SETD3: variants seen among roughly 807,000 people sequenced by gnomAD.
The protein encoded by SETD3 is actin-histidine N-methyltransferase.
A neutral mutation model predicts 63.0 loss-of-function variants in SETD3; 19 were observed. The ratio of observed to expected loss-of-function variants is 0.30; its 90% CI spans 0.21 to 0.44. SETD3 has a LOEUF of 0.44. SETD3 is among the 20% of genes least tolerant of loss of function. The pLI is 1.00. For synonymous variants in SETD3, 286 were observed against 264.1 expected (o/e 1.08, Z -0.80); for missense variants, 587 against 728.5 (o/e 0.81, Z 2.24).
chr14:99,481,970 G>A (rs907756762), upstream of SETD3, among the ~76,000 whole-genome samples: 1 of 152,196 alleles, frequency 6.6e-6, no homozygotes, highest in East Asian at 1.9e-4. Flanking sequence ...ATGAGGAAAA[G>A]GCACTTCCGG....
intron 11 of SETD3, among the ~76,000 whole-genome samples, chr14:99,401,700 T>C: frequency 6.6e-6 from 1 of 152,218 alleles, no homozygotes; most frequent in East Asian, 1.9e-4. Context: ...TTTATATTCT[T>C]TGCATACAAC....
rs5810953 is a variant in SETD3 at position 99,458,774 on chromosome 14, CAAAAAAA to C, written c.419-246_419-240del. 6.7e-5 allele frequency among the ~76,000 whole-genome samples: 6 copies of C among 89,502 alleles called. No homozygotes were observed. The East Asian group carries it at 1.5e-3, about 23-fold the overall frequency. The allele number at this position is 89,502 out of a possible 152,430, so 58.7% of individuals were successfully genotyped here. A position where few individuals can be genotyped will look rare whatever the true frequency, so the allele number is the denominator to read the frequency against. On this transcript the variant is annotated intron_variant, in intron 5 of 12. Coordinates refer to ENST00000331768, the MANE Select transcript of SETD3 (RefSeq NM_032233.3). The stretch of plus-strand genomic sequence containing the variant: ...GCAATATAGCAAAACCCCATCACTA[CAAAAAAA>C]AAAAAAAAAAAAAAATTAGCCAGAT...
At chr14:99,417,760 G>GT (rs1187194534) in intron 6 of SETD3, among the ~76,000 whole-genome samples, 5 of 152,082 alleles carry the variant, frequency 3.3e-5, no homozygotes, top group African/African-American at 1.2e-4. Flanking sequence ...TTGCGTTAAG[G>GT]TTTTTTTGTT....
chr14:99,480,210 A>G (rs3918023), intron 1 of SETD3, among the ~76,000 whole-genome samples: 3,376 of 152,132 alleles, frequency 0.022, 124 homozygotes, highest in African/African-American at 0.077. Flanking sequence ...AGAGGAACAT[A>G]AAACCGCACA....
In SETD3 at chr14:99,434,192, T is replaced by C. The variant is rs536929691; in HGVS notation, c.676-20258A>G. ...ACAGAACAGATAAAAAACTGGTACA[T>C]TCATACAGTGAGAAACTATACAGAA... On this transcript the variant is annotated intron_variant, in intron 6 of 12. Transcript: ENST00000331768. 6.3e-3 allele frequency among the ~76,000 whole-genome samples: 963 copies of C among 152,208 alleles called. 39 individuals are homozygous for C. The highest frequency in any genetic ancestry group is 0.056 in the Admixed American group (852 of 15,284).
intron 1 of SETD3, among the ~76,000 whole-genome samples, chr14:99,474,262 T>C (rs1455160953): frequency 6.6e-6 from 1 of 152,052 alleles, no homozygotes; most frequent in East Asian, 1.9e-4. Flanking sequence ...GAGGTGGAGA[T>C]TGCAGTGAGC....
chr14:99,438,221 G>T (rs1893597749), intron 6 of SETD3, among the ~76,000 whole-genome samples: 1 of 152,150 alleles, frequency 6.6e-6, no homozygotes, highest in Non-Finnish European at 1.5e-5. Flanking sequence ...ATGCTACCAT[G>T]TGTGTGTCAC....
chr14:99,436,607 T>C (rs1432532805), intron 6 of SETD3, among the ~76,000 whole-genome samples: 1 of 152,220 alleles, frequency 6.6e-6, no homozygotes, highest in Non-Finnish European at 1.5e-5. Flanking sequence ...TGGCTTGGAA[T>C]GGCCTTTTCT....
chr14:99,473,024 T>C (rs1355514632), intron 1 of SETD3, among the ~76,000 whole-genome samples: 1 of 152,164 alleles, frequency 6.6e-6, no homozygotes, highest in African/African-American at 2.4e-5. Context: ...ATCTACAGAA[T>C]CTTCAAACTT....
At chr14:99,470,596 G>A (rs898826844) in intron 1 of SETD3, among the ~76,000 whole-genome samples, 2 of 152,144 alleles carry the variant, frequency 1.3e-5, no homozygotes, top group African/African-American at 4.8e-5. Context: ...CCCACTGGCT[G>A]GGTCTACCCT....
At chr14:99,417,843 G>A (rs1296916553) in intron 6 of SETD3, among the ~76,000 whole-genome samples, 3 of 152,020 alleles carry the variant, frequency 2.0e-5, no homozygotes, top group Admixed American at 6.6e-5. Flanking sequence ...ATGGAGAGGT[G>A]TTTCCTAAAA....
intron 6 of SETD3, among the ~76,000 whole-genome samples, chr14:99,456,686 C>T (rs1367523541): frequency 6.6e-6 from 1 of 152,156 alleles, no homozygotes; most frequent in African/African-American, 2.4e-5. Flanking sequence ...AGACACCTGG[C>T]TCTTAAACAA....
chr14:99,434,913 C>T (rs1595197828), intron 6 of SETD3, among the ~76,000 whole-genome samples: 1 of 113,756 alleles, frequency 8.8e-6, no homozygotes, highest in Non-Finnish European at 1.8e-5. Context: ...TCATTATGTA[C>T]AAGTTAAATC....
chr14:99,419,498 G>A (rs1374997234), intron 6 of SETD3, among the ~76,000 whole-genome samples: 5 of 152,116 alleles, frequency 3.3e-5, no homozygotes, highest in South Asian at 2.1e-4. Context: ...TTTTATGGCC[G>A]GGCGCGGTGG....
At position 99,459,168 on chromosome 14, in the gene SETD3, T is replaced by TA; in HGVS notation, c.362dup (p.Leu121PhefsTer12). The TA allele has an allele frequency of 6.2e-7, 1 of 1,611,334 alleles. No individual in the cohort carries two copies. Among genetic ancestry groups the TA allele is most frequent in the Non-Finnish European group, 8.5e-7 (1 of 1,178,724 alleles). On this transcript the variant is annotated frameshift_variant, in exon 5 of 13. Coordinates refer to ENST00000331768, the MANE Select transcript of SETD3 (RefSeq NM_032233.3). LOFTEE classifies it high-confidence loss of function. ...TCATTAGCAATTTTCGTGGAACCCA[T>TA]AAAAACAATTCTTCTGCCTAGGGAA...
intron 1 of SETD3, among the ~76,000 whole-genome samples, chr14:99,480,064 T>TG (rs1345713388): frequency 6.6e-6 from 1 of 151,874 alleles, no homozygotes; most frequent in Non-Finnish European, 1.5e-5. Flanking sequence ...AGTAGGGCAC[T>TG]GCGCGTGTGG....
chr14:99,398,806 A>T lies in SETD3; in HGVS notation c.1658T>A (p.Val553Glu). The T allele has an allele frequency of 6.2e-7, 1 of 1,614,220 alleles. No individual in the cohort carries two copies. Among genetic ancestry groups the T allele is most frequent in the Non-Finnish European group, 8.5e-7 (1 of 1,180,036 alleles). The change falls in exon 13 of 13, where the codon GTA (valine) becomes GAA (glutamate). Residue 553 changes from valine to glutamate, a missense_variant. Coordinates refer to ENST00000331768, the MANE Select transcript of SETD3 (RefSeq NM_032233.3). Reference sequence around the variant, plus strand: ...ATTAGGGATAGAGTTTTCACCGTTTACAAGCCCGTTTTCTGTGGCCTTTGC... The same window carrying T: ...ATTAGGGATAGAGTTTTCACCGTTTTCAAGCCCGTTTTCTGTGGCCTTTGC... ...SKAKATENGL[V>E]NGENSIPNGT...
chr14:99,416,463 G>A (rs945764923), intron 6 of SETD3, among the ~76,000 whole-genome samples: 1 of 152,176 alleles, frequency 6.6e-6, no homozygotes, highest in Non-Finnish European at 1.5e-5. Context: ...TTCCTAGCTT[G>A]CACTTTTAAA....
chr14:99,481,465 T>C (rs567836545), upstream of SETD3: 25 of 398,706 alleles, frequency 6.3e-5, no homozygotes, highest in African/African-American at 4.9e-4. Context: ...CTGAGGGGCT[T>C]GCCTGAAGCG....
Sources: gnomAD v4.1 joint callset for allele counts (sites outside exome capture counted in the v4.1 genomes callset) on GRCh38, gnomAD v4.1.1 for gene constraint, MANE v1.5 for transcripts, NCBI Gene and HGNC (gene_info 2026-07-23, HGNC 2026-07-21) for gene names.